STAB2: variants seen among roughly 807,000 people sequenced by gnomAD.
STAB2 encodes the protein stabilin-2.
In STAB2, 288 loss-of-function variants were observed where a neutral mutation model predicts 338.1. The observed-to-expected ratio is 0.85, with a 90% CI of 0.77 to 0.94. The LOEUF (loss-of-function observed/expected upper bound fraction) is 0.94, where lower values mean the gene tolerates loss of function less well. Among genes scored for constraint, STAB2 ranks in the 40% least tolerant of loss-of-function variants. The pLI is 0.00. For missense variants in STAB2, 3,141 were observed against 3,210.1 expected (o/e 0.98, Z 0.52); for synonymous variants, 1,202 against 1,193.3 (o/e 1.01, Z -0.15).
In STAB2 at chr12:103,690,387, T is replaced by C. The variant is rs1188578359; in HGVS notation, c.3183-37T>C. On this transcript the variant is annotated intron_variant, in intron 29 of 68. Transcript: ENST00000388887. ...ATTCAATGATACAGCCCCATACATTTATATTGAATTATAGCCTTTGTGGAC... is the reference window on the plus strand; with the variant it reads ...ATTCAATGATACAGCCCCATACATTCATATTGAATTATAGCCTTTGTGGAC... The C allele has an allele frequency of 3.3e-6, 5 of 1,520,750 alleles. No individual in the cohort carries two copies. In the African/African-American group the frequency reaches 6.9e-5, roughly 21 times the overall value. The allele number at this position is 1,520,750 out of a possible 1,614,324, so 94.2% of individuals were successfully genotyped here.
intron 54 of STAB2, among the ~76,000 whole-genome samples, chr12:103,740,351 A>G (rs527302398): frequency 2.6e-5 from 4 of 152,172 alleles, no homozygotes; most frequent in Non-Finnish European, 4.4e-5. Context: ...CCAGGCAACC[A>G]TGCCACTTGC....
intron 30 of STAB2, among the ~76,000 whole-genome samples, chr12:103,692,575 TTCTCTC>T (rs147557353): frequency 2.7e-5 from 4 of 150,198 alleles, no homozygotes; most frequent in Non-Finnish European, 4.5e-5. Flanking sequence ...CTCTTTTTCT[TTCTCTC>T]TCTCTCTCTC....
chr12:103,657,163 C>G (rs555266019), intron 15 of STAB2, among the ~76,000 whole-genome samples: 10 of 148,066 alleles, frequency 6.8e-5, no homozygotes, highest in African/African-American at 2.5e-4. Flanking sequence ...TTTTATGAAA[C>G]CTAGCTATTG....
chr12:103,755,423 C>T lies in STAB2; in HGVS notation c.6836C>T (p.Pro2279Leu). The T allele has an allele frequency of 6.2e-7, 1 of 1,614,074 alleles. No homozygotes were observed. Among genetic ancestry groups the T allele is most frequent in the Non-Finnish European group, 8.5e-7 (1 of 1,180,024 alleles). Reference sequence around the variant, plus strand: ...GGGATAGTGGACTATGGACCTAGACCCAACAAGAGTGAAATGTGGGATGTC... The same window carrying T: ...GGGATAGTGGACTATGGACCTAGACTCAACAAGAGTGAAATGTGGGATGTC... ...VVGIVDYGPR[P>L]NKSEMWDVFC... is the part of the protein sequence containing the mutation. Residue 2279 changes from proline (P) to leucine (L), a missense_variant, in exon 62 of 69, where the codon CCC becomes CTC. Transcript: ENST00000388887.
intron 48 of STAB2, among the ~76,000 whole-genome samples, chr12:103,729,761 G>GA (rs1881487325): frequency 6.6e-6 from 1 of 152,078 alleles, no homozygotes; most frequent in Non-Finnish European, 1.5e-5. Context: ...CTACTACAGA[G>GA]AAAAAAATGG....
chr12:103,728,258 T>C (rs1881367252), intron 47 of STAB2, among the ~76,000 whole-genome samples: 1 of 152,116 alleles, frequency 6.6e-6, no homozygotes, highest in African/African-American at 2.4e-5. Flanking sequence ...TTCAAGTGAT[T>C]CTCATGCCTC....
intron 42 of STAB2, 82 bp from the exon 43 acceptor site, chr12:103,715,733 C>T: frequency 6.6e-7 from 1 of 1,517,438 alleles, no homozygotes; most frequent in East Asian, 2.3e-5. Flanking sequence ...GTCAGTTAGC[C>T]ATCTTAGCTC....
chr12:103,648,765 A>G lies in STAB2; in HGVS notation c.1116A>G (p.Leu372=). Reference sequence around the variant, plus strand: ...ACATTATGGAGCGACTCAGAGAATTAAATACTGAACCCAGAGGAAAATGGC... The same window carrying G: ...ACATTATGGAGCGACTCAGAGAATTGAATACTGAACCCAGAGGAAAATGGC... ...YGNIMERLRE[L]NTEPRGKWQG... The change falls in exon 10 of 69, where the codon TTA becomes TTG. Residue 372 remains leucine, a synonymous_variant. Transcript: ENST00000388887. 6.2e-7 allele frequency: 1 copy of G among 1,614,182 alleles called. No individual in the cohort carries two copies. The highest frequency in any genetic ancestry group is 8.5e-7 in the Non-Finnish European group (1 of 1,180,002).
intron 3 of STAB2, among the ~76,000 whole-genome samples, chr12:103,618,992 C>G (rs1416115272): frequency 6.6e-6 from 1 of 152,196 alleles, no homozygotes; most frequent in African/African-American, 2.4e-5. Flanking sequence ...CCTGCACATG[C>G]CCTCTTGCCT....
At chr12:103,760,953 G>A (rs1884488776) in intron 65 of STAB2, among the ~76,000 whole-genome samples, 1 of 152,156 alleles carries the variant, frequency 6.6e-6, no homozygotes, top group South Asian at 2.1e-4. Flanking sequence ...TTCTAACAGT[G>A]TGGTGCGATG....
rs1291087173 is a variant in STAB2, at chr12:103,708,291, C to G, written c.4193-150C>G. On this transcript the variant is annotated intron_variant, in intron 38 of 68. Coordinates refer to ENST00000388887, the MANE Select transcript of STAB2 (RefSeq NM_017564.10). ...TAGATTCTGTCTCCTGCACCCCTGC[C>G]CTTTTTGTGATTCAAGACCCCTGTT... 3 of 703,932 alleles carry G rather than the reference C, an allele frequency of 4.3e-6. No homozygotes were observed. The Admixed American group carries it at 7.6e-5, about 18-fold the overall frequency. 43.6% of individuals were successfully genotyped at this position (703,932 alleles called of 1,614,324 possible). A position where few individuals can be genotyped will look rare whatever the true frequency, so the allele number is the denominator to read the frequency against.
intron 9 of STAB2, among the ~76,000 whole-genome samples, chr12:103,647,327 A>G (rs1873410278): frequency 6.6e-6 from 1 of 152,288 alleles, no homozygotes; most frequent in East Asian, 1.9e-4. Flanking sequence ...TGGATTAACC[A>G]TAAAAAAAAA....
chr12:103,660,051 A>G (rs771928013), intron 15 of STAB2, among the ~76,000 whole-genome samples: 5 of 152,218 alleles, frequency 3.3e-5, no homozygotes, highest in Non-Finnish European at 7.3e-5. Context: ...GAATGTCGGT[A>G]TTACCACACA....
In STAB2 at chr12:103,737,633, G is replaced by A; in HGVS notation, c.5551-1G>A. Reference sequence around the variant, plus strand: ...TTTTTTTTTTTTTTTTTCTTTCTTAGGGTGACCTCTTTCTGAATGGCCAAA... The same window carrying A: ...TTTTTTTTTTTTTTTTTCTTTCTTAAGGTGACCTCTTTCTGAATGGCCAAA... On this transcript the variant is annotated splice_acceptor_variant, in intron 52 of 68. Coordinates refer to ENST00000388887, the MANE Select transcript of STAB2 (RefSeq NM_017564.10). LOFTEE classifies it high-confidence loss of function. 1.8e-6 allele frequency: 2 copies of A among 1,113,100 alleles called. No individual in the cohort carries two copies. Among genetic ancestry groups the A allele is most frequent in the Non-Finnish European group, 2.6e-6 (2 of 781,216 alleles). 69.0% of individuals were successfully genotyped at this position (1,113,100 alleles called of 1,614,324 possible). A position where few individuals can be genotyped will look rare whatever the true frequency, so the allele number is the denominator to read the frequency against.
intron 25 of STAB2, among the ~76,000 whole-genome samples, chr12:103,680,330 TG>T (rs1408907748): frequency 2.0e-5 from 3 of 152,068 alleles, no homozygotes. Flanking sequence ...AAAAAAAAAC[TG>T]GTTTAAAAAG....
intron 61 of STAB2, among the ~76,000 whole-genome samples, chr12:103,753,576 T>C (rs994259082): frequency 6.6e-6 from 1 of 152,098 alleles, no homozygotes; most frequent in Non-Finnish European, 1.5e-5. Flanking sequence ...CCTTACAACA[T>C]CTCTGAAGGC....
At position 103,664,457 on chromosome 12, in the gene STAB2, T is replaced by G. The variant is rs531023078; in HGVS notation, c.2022+1459T>G. On this transcript the variant is annotated intron_variant, in intron 18 of 68. Coordinates refer to ENST00000388887, the MANE Select transcript of STAB2 (RefSeq NM_017564.10). ...CCGCCCCTGGCCAGTTCAGCCGGTTTTAATCAAAGCACCTGAAATTCCAAT... is the reference window on the plus strand; with the variant it reads ...CCGCCCCTGGCCAGTTCAGCCGGTTGTAATCAAAGCACCTGAAATTCCAAT... Among the ~76,000 whole-genome samples the G allele has an allele frequency of 1.2e-3, 188 of 152,330 alleles. 1 individual carries two copies. The highest frequency in any genetic ancestry group is 4.3e-3 in the African/African-American group (179 of 41,590).
chr12:103,733,584 T>G (rs74985486), intron 51 of STAB2, among the ~76,000 whole-genome samples: 3,729 of 152,288 alleles, frequency 0.024, 158 homozygotes, highest in African/African-American at 0.086. Context: ...TGATCCAGCT[T>G]CAATCAATTG....
chr12:103,653,608 A>ATGGATGGC (rs2138738727), intron 12 of STAB2, among the ~76,000 whole-genome samples: 1 of 144,520 alleles, frequency 6.9e-6, no homozygotes, highest in Non-Finnish European at 1.5e-5. Context: ...AGGTCACTGG[A>ATGGATGGC]TGGATGGATG....
Sources: gnomAD v4.1 joint callset for allele counts (sites outside exome capture counted in the v4.1 genomes callset) on GRCh38, gnomAD v4.1.1 for gene constraint, MANE v1.5 for transcripts, NCBI Gene and HGNC (gene_info 2026-07-23, HGNC 2026-07-21) for gene names.